The following GAB2 variants were observed in gnomAD, a reference collection of about 807,000 sequenced individuals.
The protein encoded by GAB2 is GRB2 associated binding protein 2, also known as GRB2-associated-binding protein 2.
GAB2 carries 26 observed loss-of-function variants against 65.5 expected under a neutral mutation model. The observed-to-expected ratio is 0.40, with a 90% CI of 0.29 to 0.55. GAB2 has a LOEUF of 0.55. Ranked by LOEUF, GAB2 falls within the 20% of genes least tolerant of loss-of-function variation. GAB2 has a pLI of 0.53. For synonymous variants in GAB2, 321 were observed against 329.6 expected (o/e 0.97, Z 0.28); for missense variants, 884 against 875.8 (o/e 1.01, Z -0.12).
chr11:78,255,522 G>A (rs574194445), intron 2 of GAB2, among the ~76,000 whole-genome samples: 70 of 152,270 alleles, frequency 4.6e-4, no homozygotes, highest in South Asian at 8.3e-4. Context: ...CCTGATGGCC[G>A]AGTACCCCTG....
At chr11:78,309,993 G>A (rs932425974) in intron 1 of GAB2, among the ~76,000 whole-genome samples, 1 of 145,918 alleles carries the variant, frequency 6.9e-6, no homozygotes, top group African/African-American at 2.8e-5. Flanking sequence ...TGTGTGTGTG[G>A]TGGTGGCAGT....
chr11:78,397,818 C>A (rs569150398), intron 1 of GAB2, among the ~76,000 whole-genome samples: 3 of 152,096 alleles, frequency 2.0e-5, no homozygotes, highest in Admixed American at 2.0e-4. Flanking sequence ...TAGATACTTA[C>A]TATCTGTTAA....
intron 1 of GAB2, among the ~76,000 whole-genome samples, chr11:78,353,585 T>A (rs1421410098): frequency 3.9e-5 from 6 of 152,230 alleles, no homozygotes; most frequent in Non-Finnish European, 7.3e-5. Context: ...ATAATAGAAA[T>A]GTTTACATCT....
chr11:78,234,189 C>T (rs891200269), intron 3 of GAB2, among the ~76,000 whole-genome samples: 2 of 152,118 alleles, frequency 1.3e-5, no homozygotes, highest in African/African-American at 4.8e-5. Flanking sequence ...CTCAAGTGAT[C>T]CTCCCACCAC....
In GAB2 at chr11:78,280,874, G is replaced by T. The variant is rs749287658; in HGVS notation, c.103C>A (p.Arg35=). The stretch of plus-strand genomic sequence containing the variant: ...GGGTCACCGCTCATCCGGCCACTCC[G>T]CAGGATAAACCAGCGTTTCTTCCAG... The part of the protein sequence containing the change: ...YAWKKRWFIL[R]SGRMSGDPDV... The change falls in exon 2 of 10, where the codon CGG becomes AGG. Residue 35 remains arginine, a synonymous_variant. Transcript: ENST00000361507. The T allele has an allele frequency of 2.2e-5, 36 of 1,613,992 alleles. No individual in the cohort carries two copies. The highest frequency in any genetic ancestry group is 3.3e-5 in the Admixed American group (2 of 60,016).
chr11:78,226,392 G>T, intron 4 of GAB2, 73 bp downstream of exon 4: 2 of 1,204,950 alleles, frequency 1.7e-6, no homozygotes, highest in Non-Finnish European at 2.5e-6. Flanking sequence ...GGATGACCAA[G>T]GACCATCAAA....
intron 1 of GAB2, among the ~76,000 whole-genome samples, chr11:78,400,261 A>G (rs1856952349): frequency 2.0e-5 from 3 of 152,150 alleles, no homozygotes. Context: ...TCCAACTCAC[A>G]TGTCCACCTC....
chr11:78,407,212 T>C (rs1403310393), intron 1 of GAB2, among the ~76,000 whole-genome samples: 1 of 152,120 alleles, frequency 6.6e-6, no homozygotes. Context: ...ACTTCTCAAA[T>C]GTAGTAAGAA....
At chr11:78,349,492 T>G (rs1409631556) in intron 1 of GAB2, among the ~76,000 whole-genome samples, 1 of 152,064 alleles carries the variant, frequency 6.6e-6, no homozygotes, top group African/African-American at 2.4e-5. Context: ...TGGTAAATGG[T>G]AGATTTGGAT....
chr11:78,321,176 G>A (rs987735270), intron 1 of GAB2, among the ~76,000 whole-genome samples: 3 of 152,108 alleles, frequency 2.0e-5, no homozygotes, highest in Non-Finnish European at 4.4e-5. Context: ...GAAGCCATGG[G>A]GGTGGATATG....
At chr11:78,222,004 C>A in intron 7 of GAB2, 101 bp downstream of exon 7, 1 of 808,634 alleles carries the variant, frequency 1.2e-6, no homozygotes, top group Non-Finnish European at 2.2e-6. Context: ...ATAGCGTTAG[C>A]ATCAGAATCC....
At chr11:78,297,851 C>T (rs1049702984) in intron 1 of GAB2, among the ~76,000 whole-genome samples, 3 of 151,974 alleles carry the variant, frequency 2.0e-5, no homozygotes, top group African/African-American at 7.3e-5. Flanking sequence ...AACATACATA[C>T]AACCACATAA....
chr11:78,307,871 G>T (rs1268817097), intron 1 of GAB2, among the ~76,000 whole-genome samples: 1 of 152,184 alleles, frequency 6.6e-6, no homozygotes, highest in African/African-American at 2.4e-5. Context: ...TTATTTCTGG[G>T]TGTGTCTTTG....
chr11:78,388,387 CA>C (rs1166151247), intron 1 of GAB2, among the ~76,000 whole-genome samples: 1 of 150,730 alleles, frequency 6.6e-6, no homozygotes. Flanking sequence ...AGTGCAGTGG[CA>C]TGATCACACG....
chr11:78,387,861 T>A (rs1480584585), intron 1 of GAB2, among the ~76,000 whole-genome samples: 1 of 152,240 alleles, frequency 6.6e-6, no homozygotes, highest in Admixed American at 6.5e-5. Context: ...AAAATGTGGT[T>A]CTTTTATTTT....
chr11:78,300,025 A>C (rs1355235478), intron 1 of GAB2, among the ~76,000 whole-genome samples: 1 of 152,182 alleles, frequency 6.6e-6, no homozygotes, highest in Non-Finnish European at 1.5e-5. Context: ...TGAATTTTAC[A>C]AATGTATTTA....
At chr11:78,317,463 A>G (rs1013221619) in intron 1 of GAB2, among the ~76,000 whole-genome samples, 5 of 148,212 alleles carry the variant, frequency 3.4e-5, no homozygotes, top group African/African-American at 1.2e-4. Context: ...GGGAGGCTGA[A>G]TCGGGATAAT....
intron 1 of GAB2, among the ~76,000 whole-genome samples, chr11:78,409,329 A>T (rs540032786): frequency 1.3e-5 from 2 of 152,336 alleles, no homozygotes; most frequent in African/African-American, 4.8e-5. Context: ...TCATGTCTGT[A>T]ATCCCAGCAC....
At chr11:78,354,811 A>G (rs1011156657) in intron 1 of GAB2, among the ~76,000 whole-genome samples, 13 of 152,190 alleles carry the variant, frequency 8.5e-5, no homozygotes, top group Non-Finnish European at 1.6e-4. Flanking sequence ...GGCTCTTAGG[A>G]GAGAACTGGG....
Sources: allele counts gnomAD v4.1 joint callset (sites outside exome capture counted in the v4.1 genomes callset), GRCh38; gene constraint gnomAD v4.1.1; transcripts MANE v1.5; gene names NCBI Gene and HGNC (gene_info 2026-07-23, HGNC 2026-07-21).